FBXO34: variants seen among roughly 807,000 people sequenced by gnomAD.
FBXO34 encodes F-box protein 34, also known as F-box only protein 34.
Under a neutral mutation model 24.5 loss-of-function variants are expected in FBXO34, and 12 were observed. The observed-to-expected ratio is 0.49, with a 90% CI of 0.31 to 0.79. The LOEUF (loss-of-function observed/expected upper bound fraction) is 0.79. Among genes scored for constraint, FBXO34 ranks in the 30% least tolerant of loss-of-function variants. The pLI, the probability that FBXO34 is intolerant of heterozygous loss-of-function variation, is 0.04. For synonymous variants in FBXO34, 320 were observed against 311.9 expected (o/e 1.03, Z -0.27); for missense variants, 823 against 857.7 (o/e 0.96, Z 0.51).
the FBXO34 span, among the ~76,000 whole-genome samples, chr14:55,388,948 CT>C: frequency 3.4e-5 from 5 of 148,908 alleles, no homozygotes; most frequent in African/African-American, 4.9e-5. Context: ...CACGTTGAAG[CT>C]TTTTTTTTTC....
intron 1 of FBXO34, among the ~76,000 whole-genome samples, chr14:55,314,631 ATAT>A (rs1398221240): frequency 1.3e-5 from 2 of 152,366 alleles, no homozygotes; most frequent in East Asian, 3.9e-4. Flanking sequence ...ATAGATGATA[ATAT>A]TAAATTTTGA....
chr14:55,312,841 G>A (rs545873793), intron 1 of FBXO34, among the ~76,000 whole-genome samples: 21 of 152,358 alleles, frequency 1.4e-4, no homozygotes, highest in African/African-American at 4.3e-4. Flanking sequence ...GGGCCTCCAG[G>A]CCTGTGATGG....
Position 55,351,855 on chromosome 14 carries a change from C to G in FBXO34, c.1465C>G (p.Gln489Glu). The change falls in exon 2 of 2, where the codon CAG (glutamine) becomes GAG (glutamate). Residue 489 changes from glutamine (Q) to glutamate (E), a missense_variant. Physicochemically the swap from Gln to Glu is conservative, Grantham distance 29. Around this residue, in one of 2 missense-constraint regions of FBXO34, gnomAD observed 693 missense variants for 659.1 expected, o/e 1.05. Coordinates refer to ENST00000313833, the MANE Select transcript of FBXO34 (RefSeq NM_017943.4). Reference sequence around the variant, plus strand: ...GATGTTGTTTTTTTTGCCACCTGGTCAGCACTTGTCAGACTATTCCCAGTT... The same window carrying G: ...GATGTTGTTTTTTTTGCCACCTGGTGAGCACTTGTCAGACTATTCCCAGTT... ...PGMLFFLPPG[Q>E]HLSDYSQLNE... The G allele has an allele frequency of 6.2e-7, 1 of 1,614,108 alleles. No homozygotes were observed. The highest frequency in any genetic ancestry group is 1.6e-4 in the Middle Eastern group (1 of 6,062).
chr14:55,317,575 C>T (rs907452796), intron 1 of FBXO34, among the ~76,000 whole-genome samples: 1 of 152,220 alleles, frequency 6.6e-6, no homozygotes, highest in Non-Finnish European at 1.5e-5. Flanking sequence ...TATGGATGCT[C>T]TCCTATTCTG....
the FBXO34 span, chr14:55,436,895 C>T: frequency 6.2e-7 from 1 of 1,614,170 alleles, no homozygotes; most frequent in Non-Finnish European, 8.5e-7. Flanking sequence ...GAGAAATCAC[C>T]AGATGTTTCT....
chr14:55,436,924 T>C, the FBXO34 span: 5 of 1,614,116 alleles, frequency 3.1e-6, no homozygotes, highest in Non-Finnish European at 4.2e-6. Context: ...AGGGTTCGAA[T>C]TAAATGCAGT....
At chr14:55,368,663 A>AAAAC (rs1240761114), downstream of FBXO34, 18 of 152,238 alleles carry the variant, frequency 1.2e-4, no homozygotes, top group African/African-American at 4.3e-4. Flanking sequence ...GTTTCCCCTG[A>AAAAC]AAACACCTGC....
the FBXO34 span, among the ~76,000 whole-genome samples, chr14:55,441,150 T>C: frequency 6.6e-6 from 1 of 150,980 alleles, no homozygotes; most frequent in Non-Finnish European, 1.5e-5. Context: ...CCAGCCGTTT[T>C]TCTAAGAAAC....
chr14:55,321,006 C>G (rs986244846), intron 1 of FBXO34, among the ~76,000 whole-genome samples: 1 of 151,966 alleles, frequency 6.6e-6, no homozygotes, highest in Non-Finnish European at 1.5e-5. Flanking sequence ...TTTTATTCAT[C>G]TTTTGAGAAA....
At chr14:55,383,027 G>A in the FBXO34 span, among the ~76,000 whole-genome samples, 5 of 152,130 alleles carry the variant, frequency 3.3e-5, no homozygotes, top group African/African-American at 4.8e-5. Flanking sequence ...AAGTCTTTCT[G>A]TTGTTCTTTC....
chr14:55,442,793 T>C, the FBXO34 span, among the ~76,000 whole-genome samples: 4 of 152,228 alleles, frequency 2.6e-5, no homozygotes, highest in African/African-American at 7.2e-5. Flanking sequence ...TGTTATAGAC[T>C]GAATTGTTTC....
chr14:55,309,765 C>A (rs1297183139), intron 1 of FBXO34, among the ~76,000 whole-genome samples: 2 of 152,262 alleles, frequency 1.3e-5, no homozygotes, highest in African/African-American at 4.8e-5. Context: ...ATAATTTCTT[C>A]ATATTTGTAA....
In FBXO34 at chr14:55,353,366, A is replaced by T. The variant is rs755285962; in HGVS notation, c.*840A>T. ...AATAAACTATGAATGTTTCCTGTAT[A>T]ATATATGAATGTTTCTGAGAAGAAA... On this transcript the variant is annotated 3_prime_UTR_variant, in exon 2 of 2. Coordinates refer to ENST00000313833, the MANE Select transcript of FBXO34 (RefSeq NM_017943.4). 2.4e-5 allele frequency: 4 copies of T among 167,028 alleles called. No homozygotes were observed. The highest frequency in any genetic ancestry group is 6.5e-5 in the Admixed American group (1 of 15,286). 10.3% of individuals were successfully genotyped at this position (167,028 alleles called of 1,614,324 possible).
chr14:55,372,159 A>C (rs1332120481), downstream of FBXO34, among the ~76,000 whole-genome samples: 2 of 152,100 alleles, frequency 1.3e-5, no homozygotes. Flanking sequence ...TCAAAACTTT[A>C]GCTGGCTGGG....
the FBXO34 span, among the ~76,000 whole-genome samples, chr14:55,442,388 C>CAA: frequency 7.9e-5 from 11 of 138,428 alleles, no homozygotes; most frequent in African/African-American, 2.4e-4. Flanking sequence ...GACTCTGTCT[C>CAA]AAAAAAAAAA....
the FBXO34 span, chr14:55,414,546 C>CT: frequency 2.1e-6 from 2 of 932,542 alleles, no homozygotes; most frequent in Non-Finnish European, 1.6e-6. Context: ...TCTCCAATTA[C>CT]TTTTAATATG....
the FBXO34 span, among the ~76,000 whole-genome samples, chr14:55,438,212 C>G: frequency 2.0e-5 from 3 of 152,184 alleles, no homozygotes; most frequent in African/African-American, 7.2e-5. Flanking sequence ...AGTGACAATG[C>G]TACCTCCGCT....
the FBXO34 span, chr14:55,411,952 G>T: frequency 4.9e-6 from 4 of 819,408 alleles, no homozygotes; most frequent in Non-Finnish European, 7.5e-6. Context: ...GCCGCCGCGT[G>T]TTCCTGTCCC....
chr14:55,387,290 A>G, the FBXO34 span, among the ~76,000 whole-genome samples: 1 of 152,272 alleles, frequency 6.6e-6, no homozygotes, highest in African/African-American at 2.4e-5. Context: ...CAATTGCAAC[A>G]TATTTCAAAT....
Sources: allele counts gnomAD v4.1 joint callset (sites outside exome capture counted in the v4.1 genomes callset), GRCh38; gene constraint gnomAD v4.1.1; regional missense constraint gnomAD v4.1.1; transcripts MANE v1.5; gene names NCBI Gene and HGNC (gene_info 2026-07-23, HGNC 2026-07-21).